GMCL1: variants seen among roughly 807,000 people sequenced by gnomAD.
The protein encoded by GMCL1 is germ cell-less 1, spermatogenesis associated.
In GMCL1, 54 loss-of-function variants were observed where a neutral mutation model predicts 75.5. The observed-to-expected ratio is 0.71, with a 90% confidence interval of 0.57 to 0.90. The LOEUF (loss-of-function observed/expected upper bound fraction) is 0.90, where lower values mean the gene tolerates loss of function less well. GMCL1 is among the 40% of genes least tolerant of loss of function. The pLI is 0.00. For missense variants in GMCL1, 537 were observed against 622.7 expected, an observed-to-expected ratio of 0.86 and a Z score of 1.47; for synonymous variants, 210 against 209.6, an observed-to-expected ratio of 1.00 and a Z score of -0.02.
At chr2:69,844,076 TAATA>T in intron 5 of GMCL1, 51 bp from the exon 6 acceptor site, 2 of 831,026 alleles carry the variant, frequency 2.4e-6, no homozygotes, top group Non-Finnish European at 3.7e-6. Flanking sequence ...AAGTCCTACT[TAATA>T]AATTGTAAAT....
rs184675870 is a variant in GMCL1 at position 69,849,897 on chromosome 2, A to G, written c.934+155A>G. 4.7e-3 allele frequency among the ~76,000 whole-genome samples: 715 copies of G among 152,358 alleles called. 7 individuals carry two copies. The highest frequency in any genetic ancestry group is 0.034 in the South Asian group (166 of 4,830). On this transcript the variant is annotated intron_variant, in intron 8 of 13. Transcript: ENST00000282570. The stretch of plus-strand genomic sequence containing the variant: ...TTTAGAGCTTGGAGAAGACCTTAGC[A>G]ATTATCTACTTCACCCCTCATTTAC...
chr2:69,831,607 A>G (rs1412152848), intron 1 of GMCL1, among the ~76,000 whole-genome samples: 2 of 150,892 alleles, frequency 1.3e-5, no homozygotes, highest in African/African-American at 4.9e-5. Flanking sequence ...TTTCCTTTGG[A>G]AAAATTTTTC....
intron 6 of GMCL1, among the ~76,000 whole-genome samples, chr2:69,845,955 AT>A (rs35362436): frequency 0.43 from 61,252 of 143,750 alleles, 12,738 homozygotes; most frequent in East Asian, 0.56. Context: ...AATTTTACTG[AT>A]TTTTTTTTTT....
intron 9 of GMCL1, among the ~76,000 whole-genome samples, chr2:69,858,057 T>C (rs1044136400): frequency 6.6e-5 from 10 of 152,202 alleles, no homozygotes; most frequent in Non-Finnish European, 1.3e-4. Flanking sequence ...TCTCATTTAT[T>C]CCATTGGGAA....
In GMCL1 at chr2:69,839,439, C is replaced by CTTTTTTTTTTT; in HGVS notation, c.385-8_385-7insTTTTTTTTTTT. On this transcript the variant is annotated splice_polypyrimidine_tract_variant and intron_variant, in intron 2 of 13. Transcript: ENST00000282570. ...ACAGAAAGTACTTGATAATCGTTGACTTTTTTTTTTGTTTAAGTCTGGCTA... is the reference window on the plus strand; with the variant it reads ...ACAGAAAGTACTTGATAATCGTTGACTTTTTTTTTTTTTTTTTTTTTGTTTAAGTCTGGCTA... 1.5e-6 allele frequency: 2 copies of CTTTTTTTTTTT among 1,330,832 alleles called. No individual in the cohort carries two copies. The highest frequency in any genetic ancestry group is 2.1e-6 in the Non-Finnish European group (2 of 964,410). 82.4% of individuals were successfully genotyped at this position (1,330,832 alleles called of 1,614,324 possible).
chr2:69,871,638 A>G, intron 12 of GMCL1, 107 bp from the exon 13 acceptor site: 3 of 606,210 alleles, frequency 4.9e-6, no homozygotes, highest in African/African-American at 1.9e-5. Context: ...AAAGTCTTTT[A>G]TCAAATAAAA....
At chr2:69,855,221 A>G (rs1675436139) in intron 9 of GMCL1, among the ~76,000 whole-genome samples, 2 of 152,010 alleles carry the variant, frequency 1.3e-5, no homozygotes, top group Non-Finnish European at 2.9e-5. Flanking sequence ...ATGTTCTTTA[A>G]TTTAATAAAC....
chr2:69,863,154 G>C (rs1205829112), intron 10 of GMCL1, among the ~76,000 whole-genome samples: 2 of 152,140 alleles, frequency 1.3e-5, no homozygotes, highest in African/African-American at 4.8e-5. Flanking sequence ...GCAGTTAGTT[G>C]ACCCTGCAAA....
Position 69,847,563 on chromosome 2 carries a change from T to C in GMCL1, c.779T>C (p.Leu260Pro), listed in dbSNP as rs1260082960. The change falls in exon 7 of 14, where the codon CTC becomes CCC. Residue 260 changes from leucine (L) to proline (P), a missense_variant. By Grantham distance (98) the Leu-to-Pro change is moderately conservative. Coordinates refer to ENST00000282570, the MANE Select transcript of GMCL1 (RefSeq NM_178439.5). ...KELSINVMKQ[L>P]IGSSNLFVMQ... Reference sequence around the variant, plus strand: ...TTCAGTATAAATGTCATGAAACAGCTCATTGGTTCATCTAACTTATTTGTG... The same window carrying C: ...TTCAGTATAAATGTCATGAAACAGCCCATTGGTTCATCTAACTTATTTGTG... 6.2e-6 allele frequency: 10 copies of C among 1,608,714 alleles called. No homozygotes were observed. In the South Asian group the frequency reaches 7.7e-5, roughly 12 times the overall value.
At chr2:69,869,624 G>A (rs1433348984) in intron 11 of GMCL1, 95 bp from the exon 12 acceptor site, 2 of 1,237,912 alleles carry the variant, frequency 1.6e-6, no homozygotes, top group East Asian at 2.4e-5. Flanking sequence ...GGAAATACTT[G>A]GAATGAGTTA....
At chr2:69,832,795 C>G (rs969564328) in intron 1 of GMCL1, among the ~76,000 whole-genome samples, 2 of 152,158 alleles carry the variant, frequency 1.3e-5, no homozygotes, top group Non-Finnish European at 2.9e-5. Flanking sequence ...AGAAATCACA[C>G]AGCAATTTGA....
chr2:69,875,756 G>T (rs1390737763), intron 13 of GMCL1, among the ~76,000 whole-genome samples: 3 of 150,986 alleles, frequency 2.0e-5, no homozygotes, highest in Non-Finnish European at 4.4e-5. Context: ...ATGCAGTGGC[G>T]TGATCTCAGC....
At position 69,843,176 on chromosome 2, in the gene GMCL1, A is replaced by G; in HGVS notation, c.607A>G (p.Thr203Ala). 2 of 1,611,112 alleles carry G rather than the reference A, an allele frequency of 1.2e-6. No homozygotes were observed. The highest frequency in any genetic ancestry group is 1.7e-6 in the Non-Finnish European group (2 of 1,177,590). ...CGGTTTAATACAGCAGTGTGGTGAGACAATGAAGGAAACAGTTAATGTGAA... is the reference window on the plus strand; with the variant it reads ...CGGTTTAATACAGCAGTGTGGTGAGGCAATGAAGGAAACAGTTAATGTGAA... ...LDGLIQQCGE[T>A]MKETVNVKTV... Residue 203 changes from threonine to alanine, a missense_variant, in exon 5 of 14, where the codon ACA (threonine) becomes GCA (alanine). Coordinates refer to ENST00000282570, the MANE Select transcript of GMCL1 (RefSeq NM_178439.5).
In GMCL1 at chr2:69,841,004, G is replaced by A. The variant is rs753367743; in HGVS notation, c.544G>A (p.Val182Ile). The A allele has an allele frequency of 3.1e-6, 5 of 1,614,016 alleles. No homozygotes were observed. The East Asian group carries it at 1.1e-4, about 36-fold the overall frequency. Reference sequence around the variant, plus strand: ...TGTCTTGATAAAGCCCAGTCGAGTTGTTGCCATTTTGGCAGCAGCTTGTTT... The same window carrying A: ...TGTCTTGATAAAGCCCAGTCGAGTTATTGCCATTTTGGCAGCAGCTTGTTT... ...DDVLIKPSRV[V>I]AILAAACLLQ... The change falls in exon 4 of 14, where the codon GTT (valine) becomes ATT (isoleucine). Residue 182 changes from valine (V) to isoleucine (I), a missense_variant. Physicochemically the swap from Val to Ile is conservative, Grantham distance 29. Transcript: ENST00000282570.
intron 1 of GMCL1, among the ~76,000 whole-genome samples, chr2:69,833,686 T>C (rs530591378): frequency 2.0e-5 from 3 of 152,370 alleles, no homozygotes; most frequent in African/African-American, 7.2e-5. Flanking sequence ...GGCCCTAGTA[T>C]ATACTTCCTG....
chr2:69,848,020 G>T (rs553239588), intron 7 of GMCL1, among the ~76,000 whole-genome samples: 1 of 152,010 alleles, frequency 6.6e-6, no homozygotes, highest in Non-Finnish European at 1.5e-5. Context: ...TCTTTTAAAG[G>T]CCTGTTTGTG....
chr2:69,833,786 A>G (rs1291336526), intron 1 of GMCL1, among the ~76,000 whole-genome samples: 1 of 152,204 alleles, frequency 6.6e-6, no homozygotes, highest in African/African-American at 2.4e-5. Context: ...ACCTTTGTCA[A>G]CTGCATGTTC....
chr2:69,854,060 C>A (rs1367934464), intron 8 of GMCL1, among the ~76,000 whole-genome samples: 2 of 151,980 alleles, frequency 1.3e-5, no homozygotes, highest in African/African-American at 4.8e-5. Context: ...TCCTCGGCCT[C>A]CCAAAGTGTT....
In GMCL1 at chr2:69,880,213, C is replaced by A. The variant is rs889452093; in HGVS notation, c.*1209C>A. ...TTATTATGGTTTTTAAAATGGGAAT[C>A]ATTTTTATGTATCTGTGCAAATAAT... is the stretch of plus-strand genomic sequence containing the variant. On this transcript the variant is annotated 3_prime_UTR_variant, in exon 14 of 14. Transcript: ENST00000282570. The A allele has an allele frequency of 6.6e-6, 1 of 151,978 alleles. No homozygotes were observed. Among genetic ancestry groups the A allele is most frequent in the African/African-American group, 2.4e-5 (1 of 41,362 alleles). 9.4% of individuals were successfully genotyped at this position (151,978 alleles called of 1,614,324 possible).
Sources: allele counts gnomAD v4.1 joint callset (sites outside exome capture counted in the v4.1 genomes callset), GRCh38; gene constraint gnomAD v4.1.1; transcripts MANE v1.5; gene names NCBI Gene and HGNC (gene_info 2026-07-23, HGNC 2026-07-21).